Variants in ATF6 observed in about 807,000 individuals in gnomAD.
The protein encoded by ATF6 is cyclic AMP-dependent transcription factor ATF-6 alpha.
A neutral mutation model predicts 83.6 loss-of-function variants in ATF6; 53 were observed. The observed-to-expected ratio is 0.63, with a 90% CI of 0.51 to 0.80. The LOEUF (loss-of-function observed/expected upper bound fraction) is 0.80, where lower values mean the gene tolerates loss of function less well. Among genes scored for constraint, ATF6 ranks in the 30% least tolerant of loss-of-function variants. The probability of loss-of-function intolerance (pLI) is 0.00; values close to 1 mark genes in which losing one functional copy is unlikely to be tolerated. For missense variants in ATF6, 744 were observed against 797.9 expected, an observed-to-expected ratio of 0.93 and a Z score of 0.81; for synonymous variants, 288 against 285.8, an observed-to-expected ratio of 1.01 and a Z score of -0.08.
At chr1:161,840,379 G>A (rs971990052) in intron 9 of ATF6, 1 of 152,166 alleles carries the variant, frequency 6.6e-6, no homozygotes, top group Non-Finnish European at 1.5e-5. Context: ...AGCTTTTTGT[G>A]TGTGGCTCTC....
intron 15 of ATF6, among the ~76,000 whole-genome samples, chr1:161,937,260 C>T (rs980395295): frequency 4.0e-5 from 6 of 149,402 alleles, no homozygotes; most frequent in East Asian, 3.9e-4. Context: ...GGGAGAATCA[C>T]GTGAACCCAG....
intron 14 of ATF6, among the ~76,000 whole-genome samples, chr1:161,908,154 GTT>G (rs1212836035): frequency 2.6e-5 from 4 of 152,158 alleles, no homozygotes; most frequent in African/African-American, 4.8e-5. Flanking sequence ...CAGTCAGTGA[GTT>G]TTATAGGGGG....
chr1:161,813,371 TG>T (rs1221461818), intron 7 of ATF6, among the ~76,000 whole-genome samples: 2 of 152,200 alleles, frequency 1.3e-5, no homozygotes, highest in African/African-American at 4.8e-5. Flanking sequence ...TATGTCGTTG[TG>T]CCAATTAAAT....
rs376605666 is a variant in ATF6 at position 161,912,761 on chromosome 1, TATC to T, written c.1804+385_1804+387del. Among the ~76,000 whole-genome samples, 74 of 152,302 alleles carry T rather than the reference TATC, an allele frequency of 4.9e-4. No individual in the cohort carries two copies. The East Asian group carries it at 7.3e-3, about 15-fold the overall frequency. ...GTTTCCTGTGTTACCTAAATGTTGATATCATCCTAGACCATGCCACAGAAGCCT... is the reference window on the plus strand; with the variant it reads ...GTTTCCTGTGTTACCTAAATGTTGATATCCTAGACCATGCCACAGAAGCCT... On this transcript the variant is annotated intron_variant, in intron 15 of 15. Transcript: ENST00000367942.
chr1:161,948,992 C>G (rs9659616), intron 15 of ATF6, among the ~76,000 whole-genome samples: 97,890 of 152,110 alleles, frequency 0.64, 33,321 homozygotes, highest in Non-Finnish European at 0.77. Context: ...ACATTGACTT[C>G]TCAGACTGGT....
rs1261086157 is a variant in ATF6 at position 161,961,918 on chromosome 1, T to C, written c.*3264T>C. 6.6e-6 allele frequency: 1 copy of C among 152,224 alleles called. No individual in the cohort carries two copies. Among genetic ancestry groups the C allele is most frequent in the Non-Finnish European group, 1.5e-5 (1 of 68,038 alleles). 9.4% of individuals were successfully genotyped at this position (152,224 alleles called of 1,614,324 possible). A position where few individuals can be genotyped will look rare whatever the true frequency, so the allele number is the denominator to read the frequency against. ...AGCTTGTCCCTTTGGGGTTGACTTA[T>C]GCCCAGCAGTACAGGGACACAGCTT... is the stretch of plus-strand genomic sequence containing the variant. On this transcript the variant is annotated 3_prime_UTR_variant, in exon 16 of 16. Transcript: ENST00000367942.
chr1:161,949,904 G>T (rs1328392522), intron 15 of ATF6, among the ~76,000 whole-genome samples: 1 of 152,138 alleles, frequency 6.6e-6, no homozygotes, highest in East Asian at 1.9e-4. Context: ...ATCATAGCAG[G>T]AAGAGACACT....
At position 161,802,129 on chromosome 1, in the gene ATF6, C is replaced by G. The variant is rs1557968043; in HGVS notation, c.766C>G (p.Leu256Val). 1 of 1,614,084 alleles carries G rather than the reference C, an allele frequency of 6.2e-7. No homozygotes were observed. The highest frequency in any genetic ancestry group is 8.5e-7 in the Non-Finnish European group (1 of 1,179,988). The change falls in exon 7 of 16, where the codon CTT becomes GTT. Residue 256 changes from leucine to valine, a missense_variant. Coordinates refer to ENST00000367942, the MANE Select transcript of ATF6 (RefSeq NM_007348.4). Reference protein sequence around the residue: ...PGVLPSAQPVLAVAGGVTQLP... With the variant: ...PGVLPSAQPVVAVAGGVTQLP... ...AGTTCTGCCCTCTGCTCAGCCAGTCCTTGCTGTTGCTGGGGGAGTCACACA... is the reference window on the plus strand; with the variant it reads ...AGTTCTGCCCTCTGCTCAGCCAGTCGTTGCTGTTGCTGGGGGAGTCACACA...
rs1334268103 is a variant in ATF6 at position 161,959,947 on chromosome 1, A to G, written c.*1293A>G. On this transcript the variant is annotated 3_prime_UTR_variant, in exon 16 of 16. Transcript: ENST00000367942. ...CAAAAGTTTTTTCACTGAAGAATTGACAAGTATTTGCTCCTTAAAACAACG... is the reference window on the plus strand; with the variant it reads ...CAAAAGTTTTTTCACTGAAGAATTGGCAAGTATTTGCTCCTTAAAACAACG... 6.6e-6 allele frequency: 1 copy of G among 152,216 alleles called. No individual in the cohort carries two copies. Among genetic ancestry groups the G allele is most frequent in the Non-Finnish European group, 1.5e-5 (1 of 68,032 alleles). The allele number at this position is 152,216 out of a possible 1,614,324, so 9.4% of individuals were successfully genotyped here. A position where few individuals can be genotyped will look rare whatever the true frequency, so the allele number is the denominator to read the frequency against.
chr1:161,780,194 T>G (rs1684602561), intron 2 of ATF6, among the ~76,000 whole-genome samples: 1 of 152,156 alleles, frequency 6.6e-6, no homozygotes, highest in Non-Finnish European at 1.5e-5. Flanking sequence ...ATTTACTCAG[T>G]TATGGGCATC....
chr1:161,947,034 C>T (rs988310191), intron 15 of ATF6, among the ~76,000 whole-genome samples: 2 of 152,146 alleles, frequency 1.3e-5, no homozygotes, highest in Admixed American at 1.3e-4. Flanking sequence ...CTTCCATTTT[C>T]CGAGAGAAAT....
In ATF6 at chr1:161,863,190, T is replaced by G. The variant is rs764782638; in HGVS notation, c.1605-8T>G. On this transcript the variant is annotated splice_polypyrimidine_tract_variant and splice_region_variant and intron_variant, in intron 13 of 15. Transcript: ENST00000367942. Reference sequence around the variant, plus strand: ...TTTTAGTAATACCTTATATTTTTCTTACTTTAGCAGGAACTCAGGGAGTGA... The same window carrying G: ...TTTTAGTAATACCTTATATTTTTCTGACTTTAGCAGGAACTCAGGGAGTGA... The G allele has an allele frequency of 2.6e-6, 4 of 1,531,142 alleles. No homozygotes were observed. The highest frequency in any genetic ancestry group is 3.6e-6 in the Non-Finnish European group (4 of 1,114,372). 94.8% of individuals were successfully genotyped at this position (1,531,142 alleles called of 1,614,324 possible).
chr1:161,955,064 C>A (rs1688938849), intron 15 of ATF6, among the ~76,000 whole-genome samples: 1 of 152,124 alleles, frequency 6.6e-6, no homozygotes, highest in South Asian at 2.1e-4. Flanking sequence ...TCTCACAATT[C>A]CCTAATCTAA....
intron 7 of ATF6, among the ~76,000 whole-genome samples, chr1:161,815,605 C>G (rs1322703488): frequency 6.6e-6 from 1 of 151,980 alleles, no homozygotes; most frequent in African/African-American, 2.4e-5. Context: ...TAATAACTTA[C>G]AGTGTTTATC....
At chr1:161,850,805 A>G (rs1025506480) in intron 10 of ATF6, among the ~76,000 whole-genome samples, 1 of 152,202 alleles carries the variant, frequency 6.6e-6, no homozygotes, top group Non-Finnish European at 1.5e-5. Flanking sequence ...CTATATAAAG[A>G]AATTCAAGAG....
intron 14 of ATF6, among the ~76,000 whole-genome samples, chr1:161,908,467 G>A (rs2101885538): frequency 6.6e-6 from 1 of 152,234 alleles, no homozygotes; most frequent in African/African-American, 2.4e-5. Context: ...GCACAATATT[G>A]CACAACATTA....
chr1:161,854,872 A>G (rs75254377), intron 12 of ATF6, among the ~76,000 whole-genome samples: 1 of 147,298 alleles, frequency 6.8e-6, no homozygotes, highest in Non-Finnish European at 1.5e-5. Flanking sequence ...TCTAAAAAAG[A>G]AAAAAAAAAA....
intron 14 of ATF6, among the ~76,000 whole-genome samples, chr1:161,886,518 G>C (rs914640772): frequency 2.0e-5 from 3 of 152,040 alleles, no homozygotes; most frequent in African/African-American, 7.3e-5. Flanking sequence ...GTATATCTTT[G>C]TTTATATTTA....
rs542969373 is a variant in ATF6, at chr1:161,960,435, G to A, written c.*1781G>A. 3.3e-5 allele frequency: 5 copies of A among 152,318 alleles called. No homozygotes were observed. The South Asian group carries it at 1.0e-3, about 32-fold the overall frequency. The allele number at this position is 152,318 out of a possible 1,614,324, so 9.4% of individuals were successfully genotyped here. On this transcript the variant is annotated 3_prime_UTR_variant, in exon 16 of 16. Transcript: ENST00000367942. Reference sequence around the variant, plus strand: ...CTCAAGGATTATATGCAGCTAGTTAGTTTTCTGCCTGTGAAATTAGGTCTG... The same window carrying A: ...CTCAAGGATTATATGCAGCTAGTTAATTTTCTGCCTGTGAAATTAGGTCTG...
Sources: gnomAD v4.1 joint callset for allele counts (sites outside exome capture counted in the v4.1 genomes callset) on GRCh38, gnomAD v4.1.1 for gene constraint, MANE v1.5 for transcripts, NCBI Gene and HGNC (gene_info 2026-07-23, HGNC 2026-07-21) for gene names.